FOCAD: variants seen among roughly 807,000 people sequenced by gnomAD.
FOCAD encodes focadhesin.
A neutral mutation model predicts 225.6 loss-of-function variants in FOCAD; 198 were observed. The ratio of observed to expected loss-of-function variants is 0.88; its 90% CI spans 0.78 to 0.99. The LOEUF is 0.99. FOCAD is among the 50% of genes least tolerant of loss of function. FOCAD has a pLI of 0.00. For synonymous variants in FOCAD, 897 were observed against 755.0 expected (o/e 1.19, Z -3.08); for missense variants, 2,713 against 2,123.6 (o/e 1.28, Z -5.46).
chr9:20,866,917 T>TTTTTAA lies in FOCAD; in HGVS notation c.2107-12_2107-11insTTTTAA. On this transcript the variant is annotated splice_polypyrimidine_tract_variant and intron_variant, in intron 17 of 43. Coordinates refer to ENST00000338382, the MANE Select transcript of FOCAD (RefSeq NM_001375567.1). ...TTTTTTTTTTTTTTTTTTTTTTTTT[T>TTTTTAA]ACCCTATCTAGGACCCAATTGTAGC... 16 of 764,960 alleles carry TTTTTAA rather than the reference T, an allele frequency of 2.1e-5. No homozygotes were observed. Among genetic ancestry groups the TTTTTAA allele is most frequent in the East Asian group, 3.3e-5 (1 of 30,216 alleles). 47.4% of individuals were successfully genotyped at this position (764,960 alleles called of 1,614,324 possible). A position where few individuals can be genotyped will look rare whatever the true frequency, so the allele number is the denominator to read the frequency against.
intron 15 of FOCAD, among the ~76,000 whole-genome samples, chr9:20,824,216 G>A (rs1824637947): frequency 6.6e-6 from 1 of 152,102 alleles, no homozygotes; most frequent in Non-Finnish European, 1.5e-5. Context: ...TCAGTCATCT[G>A]AGATTGGGAA....
intron 35 of FOCAD, among the ~76,000 whole-genome samples, chr9:20,971,392 A>C (rs1219219764): frequency 6.6e-6 from 1 of 152,124 alleles, no homozygotes; most frequent in East Asian, 1.9e-4. Flanking sequence ...AAAACATTGT[A>C]GTGATAAGTA....
chr9:20,873,259 C>A (rs1054433432), intron 18 of FOCAD, among the ~76,000 whole-genome samples: 1 of 152,044 alleles, frequency 6.6e-6, no homozygotes, highest in Admixed American at 6.6e-5. Context: ...TGTAAAATGT[C>A]AGGAAGCAAG....
At chr9:20,677,530 C>A (rs1296684178) in intron 2 of FOCAD, among the ~76,000 whole-genome samples, 1 of 152,042 alleles carries the variant, frequency 6.6e-6, no homozygotes, top group African/African-American at 2.4e-5. Flanking sequence ...AACCAAATAA[C>A]CTTATTAAAA....
rs369371646 is a variant in FOCAD, at chr9:20,993,295, G to T, written c.5299G>T (p.Ala1767Ser). Reference protein sequence around the residue: ...LFSIMESPKEALSAQSRDLLK... With the variant: ...LFSIMESPKESLSAQSRDLLK... ...CAGCATCATGGAAAGCCCTAAAGAA[G>T]CCCTCTCAGCACAGTCCAGGGATCT... The change falls in exon 43 of 44, where the codon GCC becomes TCC. Residue 1767 changes from alanine (A) to serine (S), a missense_variant. Transcript: ENST00000338382. 1.2e-6 allele frequency: 2 copies of T among 1,613,946 alleles called. No homozygotes were observed. The highest frequency in any genetic ancestry group is 1.7e-6 in the Non-Finnish European group (2 of 1,179,928).
At chr9:20,683,191 A>G (rs1000641168), upstream of FOCAD, 2 of 152,222 alleles carry the variant, frequency 1.3e-5, no homozygotes, top group African/African-American at 4.8e-5. Context: ...CCTACAAATG[A>G]GAAACAGAAC....
chr9:20,710,777 AG>A, intron 1 of FOCAD, among the ~76,000 whole-genome samples: 1 of 152,318 alleles, frequency 6.6e-6, no homozygotes, highest in Middle Eastern at 3.4e-3. Flanking sequence ...AGATTATAAA[AG>A]AGGTATCATT....
rs1391848747 is a variant in FOCAD, at chr9:20,845,326, C to G, written c.1921-17252C>G. 3.3e-5 allele frequency among the ~76,000 whole-genome samples: 5 copies of G among 151,514 alleles called. No individual in the cohort carries two copies. The East Asian group carries it at 9.7e-4, about 29-fold the overall frequency. The stretch of plus-strand genomic sequence containing the variant: ...ATAATTTGCCATATATAATTTCATG[C>G]ATTTTTCTGAACATCTCTGTATGTC... On this transcript the variant is annotated intron_variant, in intron 15 of 43. Coordinates refer to ENST00000338382, the MANE Select transcript of FOCAD (RefSeq NM_001375567.1).
rs376911626 is a variant in FOCAD at position 20,988,374 on chromosome 9, A to G, written c.4949A>G (p.Tyr1650Cys). Residue 1650 changes from tyrosine to cysteine, a missense_variant, in exon 41 of 44, where the codon TAT (tyrosine) becomes TGT (cysteine). Physicochemically the swap from Tyr to Cys is radical, Grantham distance 194 (BLOSUM62 -2). Transcript: ENST00000338382. ...GAGTGGCTCTTGGAACTGATGGGTTATATTAGAAATGTTGCTTACCAGTCA... is the reference window on the plus strand; with the variant it reads ...GAGTGGCTCTTGGAACTGATGGGTTGTATTAGAAATGTTGCTTACCAGTCA... ...RMEWLLELMG[Y>C]IRNVAYQSTS... 5 of 1,612,394 alleles carry G rather than the reference A, an allele frequency of 3.1e-6. No homozygotes were observed. Among genetic ancestry groups the G allele is most frequent in the South Asian group, 1.1e-5 (1 of 90,904 alleles).
intron 11 of FOCAD, among the ~76,000 whole-genome samples, chr9:20,809,548 T>C (rs537774720): frequency 6.6e-6 from 1 of 152,310 alleles, no homozygotes; most frequent in African/African-American, 2.4e-5. Flanking sequence ...TTCTGAACAA[T>C]GAAAATCAAT....
chr9:20,975,920 G>A (rs747656234), intron 35 of FOCAD, among the ~76,000 whole-genome samples: 3 of 152,080 alleles, frequency 2.0e-5, no homozygotes, highest in East Asian at 3.8e-4. Context: ...AAGGAGGATG[G>A]GGCAATAATG....
At chr9:20,976,694 A>T (rs1416564918) in intron 36 of FOCAD, 146 bp downstream of exon 36, 1 of 868,752 alleles carries the variant, frequency 1.2e-6, no homozygotes. Flanking sequence ...TGGCTGGGTT[A>T]CTTTCACTCA....
Position 20,929,409 on chromosome 9 carries a change from G to C in FOCAD, c.3130G>C (p.Ala1044Pro). 1 of 1,613,982 alleles carries C rather than the reference G, an allele frequency of 6.2e-7. No individual in the cohort carries two copies. The highest frequency in any genetic ancestry group is 1.1e-5 in the South Asian group (1 of 91,070). ...TASAIARSAA[A>P]TALSLLVPVF... ...TAGTGCCATTGCCCGTTCTGCTGCC[G>C]CCACGGCTTTGTCTCTCCTTGTGCC... Residue 1044 changes from alanine (A) to proline (P), a missense_variant, in exon 27 of 44, where the codon GCC becomes CCC. Physicochemically the swap from Ala to Pro is conservative, Grantham distance 27. Transcript: ENST00000338382.
chr9:20,734,174 C>T (rs1419865372), intron 4 of FOCAD, among the ~76,000 whole-genome samples: 2 of 151,856 alleles, frequency 1.3e-5, no homozygotes, highest in Non-Finnish European at 2.9e-5. Flanking sequence ...TCTTAAAATT[C>T]ACTTTTGTTA....
chr9:20,789,546 G>T lies in FOCAD; in HGVS notation c.1393G>T (p.Gly465Ter). 1 of 1,613,894 alleles carries T rather than the reference G, an allele frequency of 6.2e-7. No homozygotes were observed. The highest frequency in any genetic ancestry group is 8.5e-7 in the Non-Finnish European group (1 of 1,179,958). The change falls in exon 11 of 44, where the codon GGA (glycine) becomes TGA (stop). Residue 465 changes from glycine (G) to a stop codon, truncating the protein, a stop_gained. Coordinates refer to ENST00000338382, the MANE Select transcript of FOCAD (RefSeq NM_001375567.1). LOFTEE classifies it high-confidence loss of function. ...GGCTCACCTCCTTGTTGAAGACAAAGGACAAAATCTTCACCAAATACTCAA... is the reference window on the plus strand; with the variant it reads ...GGCTCACCTCCTTGTTGAAGACAAATGACAAAATCTTCACCAAATACTCAA... ...LLAHLLVEDK[G>*]QNLHQILKVT...
At chr9:20,994,732 C>T (rs769249675) in intron 43 of FOCAD, among the ~76,000 whole-genome samples, 3 of 152,156 alleles carry the variant, frequency 2.0e-5, no homozygotes, top group Admixed American at 6.5e-5. Flanking sequence ...GGAGTTTGTG[C>T]TCATTTTTAA....
chr9:20,727,405 T>A (rs1826289496), intron 4 of FOCAD, among the ~76,000 whole-genome samples: 1 of 152,224 alleles, frequency 6.6e-6, no homozygotes. Flanking sequence ...GAACACATGT[T>A]ACTTTTATAA....
chr9:20,866,118 A>G (rs540450159), intron 17 of FOCAD, 142 bp downstream of exon 17: 13 of 712,802 alleles, frequency 1.8e-5, no homozygotes, highest in Non-Finnish European at 2.8e-5. Flanking sequence ...GTGATTATTC[A>G]TAAGTTTTGG....
intron 38 of FOCAD, 142 bp from the exon 39 acceptor site, chr9:20,982,215 T>C (rs1314778753): frequency 2.0e-6 from 1 of 501,852 alleles, no homozygotes. Context: ...TGATAAAAAT[T>C]GGCCAAATGT....
Sources: gnomAD v4.1 joint callset for allele counts (sites outside exome capture counted in the v4.1 genomes callset) on GRCh38, gnomAD v4.1.1 for gene constraint, MANE v1.5 for transcripts, NCBI Gene and HGNC (gene_info 2026-07-23, HGNC 2026-07-21) for gene names.